The following C18orf54 variants were observed in gnomAD, a reference collection of about 807,000 sequenced individuals.
C18orf54 encodes chromosome 18 open reading frame 54.
In C18orf54, 49 loss-of-function variants were observed where a neutral mutation model predicts 49.3. The ratio of observed to expected loss-of-function variants is 0.99; its 90% CI spans 0.79 to 1.26. The LOEUF (loss-of-function observed/expected upper bound fraction) is 1.26, where lower values mean the gene tolerates loss of function less well. C18orf54 is among the 50% of genes most tolerant of loss of function. The pLI is 0.00. For synonymous variants in C18orf54, 211 were observed against 216.6 expected, an observed-to-expected ratio of 0.97 and a Z score of 0.23; for missense variants, 687 against 620.6, an observed-to-expected ratio of 1.11 and a Z score of -1.14.
At chr18:54,364,022 G>C (rs1368430396) in intron 5 of C18orf54, 1 of 152,040 alleles carries the variant, frequency 6.6e-6, no homozygotes, top group African/African-American at 2.4e-5. Context: ...TGAAGTTTCT[G>C]ACCTAGGATG....
chr18:54,362,309 A>G lies in C18orf54; in HGVS notation c.950A>G (p.Asn317Ser). The change falls in exon 4 of 9, where the codon AAC becomes AGC. Residue 317 changes from asparagine to serine, a missense_variant. By Grantham distance (46) the Asn-to-Ser change is conservative. Coordinates refer to ENST00000620105, the MANE Select transcript of C18orf54 (RefSeq NM_001288980.2). ...TTTGAATATGCTTTTGAACCCTCAA[A>G]CTTTTCAAATTCCTTGAGTGATGAT... is the stretch of plus-strand genomic sequence containing the variant. ...DCFEYAFEPSNFSNSLSDDKE... is the reference protein window; with the variant it reads ...DCFEYAFEPSSFSNSLSDDKE... The G allele has an allele frequency of 6.5e-7, 1 of 1,536,226 alleles. No homozygotes were observed. Among genetic ancestry groups the G allele is most frequent in the Non-Finnish European group, 8.7e-7 (1 of 1,146,888 alleles).
Position 54,378,583 on chromosome 18 carries a change from A to G in C18orf54, c.*337A>G. The G allele has an allele frequency of 5.9e-6, 1 of 169,464 alleles. No individual in the cohort carries two copies. Among genetic ancestry groups the G allele is most frequent in the Non-Finnish European group, 1.3e-5 (1 of 79,570 alleles). 10.5% of individuals were successfully genotyped at this position (169,464 alleles called of 1,614,324 possible). A position where few individuals can be genotyped will look rare whatever the true frequency, so the allele number is the denominator to read the frequency against. ...TTTAACCTTCTTCAGCATCCTCAAC[A>G]TTTTATTACCTGGTTCAGGATCATT... is the stretch of plus-strand genomic sequence containing the variant. On this transcript the variant is annotated 3_prime_UTR_variant, in exon 9 of 9. Coordinates refer to ENST00000620105, the MANE Select transcript of C18orf54 (RefSeq NM_001288980.2).
At chr18:54,365,374 A>C (rs573111308) in intron 5 of C18orf54, among the ~76,000 whole-genome samples, 29 of 152,166 alleles carry the variant, frequency 1.9e-4, no homozygotes, top group African/African-American at 6.7e-4. Flanking sequence ...GATGGTAACA[A>C]TGTTTAATTG....
rs189977323 is a variant in C18orf54, at chr18:54,373,932, A to G, written c.1459-282A>G. On this transcript the variant is annotated intron_variant, in intron 7 of 8. Coordinates refer to ENST00000620105, the MANE Select transcript of C18orf54 (RefSeq NM_001288980.2). ...TCTTTCCCCTCTCATTCTAAACATC[A>G]TTGAGATATAAGCCTGTTCAATAAA... is the stretch of plus-strand genomic sequence containing the variant. 1.1e-3 allele frequency among the ~76,000 whole-genome samples: 172 copies of G among 151,936 alleles called. 4 individuals carry two copies. The South Asian group carries it at 0.03, about 27-fold the overall frequency.
intron 8 of C18orf54, among the ~76,000 whole-genome samples, chr18:54,377,904 A>C (rs2089602550): frequency 6.6e-6 from 1 of 152,182 alleles, no homozygotes. Context: ...GTTTCTTGTT[A>C]GGGCACTTGG....
chr18:54,375,693 T>C (rs2089558444), intron 8 of C18orf54, among the ~76,000 whole-genome samples: 1 of 152,002 alleles, frequency 6.6e-6, no homozygotes, highest in Admixed American at 6.6e-5. Context: ...GCTAGAATTT[T>C]TTTAATAGTA....
Position 54,378,168 on chromosome 18 carries a change from A to G in C18orf54, c.1530-6A>G, listed in dbSNP as rs375717506. 1 of 1,610,540 alleles carries G rather than the reference A, an allele frequency of 6.2e-7. No homozygotes were observed. Among genetic ancestry groups the G allele is most frequent in the Non-Finnish European group, 8.5e-7 (1 of 1,177,956 alleles). On this transcript the variant is annotated splice_region_variant and splice_polypyrimidine_tract_variant and intron_variant, in intron 8 of 8. Coordinates refer to ENST00000620105, the MANE Select transcript of C18orf54 (RefSeq NM_001288980.2). ...TTTATAATGTGTTTTATACTTTTTA[A>G]TGAAGGGCTTTGCACCATTTATCTC...
At position 54,362,146 on chromosome 18, in the gene C18orf54, G is replaced by T. The variant is rs1343144794; in HGVS notation, c.787G>T (p.Val263Phe). The T allele has an allele frequency of 1.5e-5, 23 of 1,536,166 alleles. No individual in the cohort carries two copies. Among genetic ancestry groups the T allele is most frequent in the Non-Finnish European group, 1.9e-5 (22 of 1,146,910 alleles). The change falls in exon 4 of 9, where the codon GTC becomes TTC. Residue 263 changes from valine (V) to phenylalanine (F), a missense_variant. Transcript: ENST00000620105. Reference sequence around the variant, plus strand: ...TAGTATACCTGATTTCAAATACCCAGTCTGGCTGCACAATCAAGACTTGCT... The same window carrying T: ...TAGTATACCTGATTTCAAATACCCATTCTGGCTGCACAATCAAGACTTGCT... ...ITSIPDFKYP[V>F]WLHNQDLLPD...
chr18:54,370,051 C>T (rs2089458745), intron 6 of C18orf54, among the ~76,000 whole-genome samples: 1 of 151,884 alleles, frequency 6.6e-6, no homozygotes, highest in South Asian at 2.1e-4. Flanking sequence ...CCGAGGCGAG[C>T]GGATCACGAG....
intron 6 of C18orf54, 127 bp downstream of exon 6, chr18:54,365,948 C>A: frequency 5.5e-6 from 2 of 362,472 alleles, no homozygotes; most frequent in Non-Finnish European, 9.8e-6. Context: ...AAATACCCAT[C>A]ATTCCTTCCA....
intron 8 of C18orf54, 34 bp downstream of exon 8, chr18:54,374,318 A>G: frequency 6.6e-7 from 1 of 1,525,812 alleles, no homozygotes; most frequent in Non-Finnish European, 8.8e-7. Flanking sequence ...ATACAAATCC[A>G]TCTTAGCCAT....
Position 54,376,105 on chromosome 18 carries a change from G to T in C18orf54, c.1529+1821G>T, listed in dbSNP as rs191483781. On this transcript the variant is annotated intron_variant, in intron 8 of 8. Coordinates refer to ENST00000620105, the MANE Select transcript of C18orf54 (RefSeq NM_001288980.2). ...AAAAGTTACTGATTATACTTTGTAGGCTTTATTGGCCTTTCCTAAGGTAAA... is the reference window on the plus strand; with the variant it reads ...AAAAGTTACTGATTATACTTTGTAGTCTTTATTGGCCTTTCCTAAGGTAAA... Among the ~76,000 whole-genome samples the T allele has an allele frequency of 4.4e-3, 667 of 152,122 alleles. 3 individuals are homozygous for T. Among genetic ancestry groups the T allele is most frequent in the Non-Finnish European group, 7.1e-3 (485 of 67,976 alleles).
At chr18:54,371,337 T>C (rs1195976681) in intron 6 of C18orf54, among the ~76,000 whole-genome samples, 2 of 152,202 alleles carry the variant, frequency 1.3e-5, no homozygotes, top group African/African-American at 4.8e-5. Flanking sequence ...TCTTTTTAGA[T>C]TGAACAGTTT....
At chr18:54,360,494 T>C (rs1425124357) in intron 2 of C18orf54, 33 bp from the exon 3 acceptor site, 43 of 1,426,570 alleles carry the variant, frequency 3.0e-5, no homozygotes, top group Admixed American at 1.9e-4. Context: ...TCACTTTTAA[T>C]TGGCATCTTA....
rs543540241 is a variant in C18orf54, at chr18:54,369,873, C to T, written c.1327-2593C>T. Among the ~76,000 whole-genome samples, 90 of 152,138 alleles carry T rather than the reference C, an allele frequency of 5.9e-4. 1 individual carries two copies. The South Asian group carries it at 0.018, about 31-fold the overall frequency. On this transcript the variant is annotated intron_variant, in intron 6 of 8. Transcript: ENST00000620105. Reference sequence around the variant, plus strand: ...CCCAACTCTCTTTGGTGTGGTTGTGCTGTTTATTTATAATACTGCTAGTTG... The same window carrying T: ...CCCAACTCTCTTTGGTGTGGTTGTGTTGTTTATTTATAATACTGCTAGTTG...
In C18orf54 at chr18:54,380,132, CAAGT is replaced by C. The variant is rs2089641949; in HGVS notation, c.*1890_*1893del. On this transcript the variant is annotated 3_prime_UTR_variant, in exon 9 of 9. Transcript: ENST00000620105. ...TCTTATAAGAAATATCTAGGAGAGT[CAAGT>C]AAGAAAAATAACGAATCTAAGTGAT... The C allele has an allele frequency of 6.6e-6, 1 of 151,650 alleles. No homozygotes were observed. The highest frequency in any genetic ancestry group is 2.4e-5 in the African/African-American group (1 of 41,308). 9.4% of individuals were successfully genotyped at this position (151,650 alleles called of 1,614,324 possible). A position where few individuals can be genotyped will look rare whatever the true frequency, so the allele number is the denominator to read the frequency against.
chr18:54,371,129 A>G (rs534201218), intron 6 of C18orf54, among the ~76,000 whole-genome samples: 23 of 152,282 alleles, frequency 1.5e-4, no homozygotes, highest in African/African-American at 4.3e-4. Flanking sequence ...CTTTGTACTC[A>G]TTAAACTCTA....
intron 2 of C18orf54, among the ~76,000 whole-genome samples, chr18:54,359,611 CATCAT>C (rs2089220057): frequency 6.6e-6 from 1 of 152,150 alleles, no homozygotes; most frequent in Non-Finnish European, 1.5e-5. Flanking sequence ...AACATTATAA[CATCAT>C]AGCATATGTT....
rs577709546 is a variant in C18orf54 at position 54,370,503 on chromosome 18, A to G, written c.1327-1963A>G. On this transcript the variant is annotated intron_variant, in intron 6 of 8. Transcript: ENST00000620105. Reference sequence around the variant, plus strand: ...GTCTCCCAAGAAAACAGCGATGACTATATATTGGGTTGTCCTCTTGTTCTG... The same window carrying G: ...GTCTCCCAAGAAAACAGCGATGACTGTATATTGGGTTGTCCTCTTGTTCTG... 6.6e-5 allele frequency among the ~76,000 whole-genome samples: 10 copies of G among 152,284 alleles called. No individual in the cohort carries two copies. In the South Asian group the frequency reaches 2.1e-3, roughly 32 times the overall value.
Sources: gnomAD v4.1 joint callset for allele counts (sites outside exome capture counted in the v4.1 genomes callset) on GRCh38, gnomAD v4.1.1 for gene constraint, MANE v1.5 for transcripts, NCBI Gene and HGNC (gene_info 2026-07-23, HGNC 2026-07-21) for gene names.